Variants in PALS1 observed in about 807,000 individuals in gnomAD.
PALS1 encodes the protein protein PALS1.
In PALS1, 31 loss-of-function variants were observed where a neutral mutation model predicts 78.9. The observed-to-expected ratio is 0.39, with a 90% CI of 0.30 to 0.53. The LOEUF (loss-of-function observed/expected upper bound fraction) is 0.53, where lower values mean the gene tolerates loss of function less well. Among genes scored for constraint, PALS1 ranks in the 20% least tolerant of loss-of-function variants. PALS1 has a pLI of 0.67. For synonymous variants in PALS1, 276 were observed against 270.9 expected (o/e 1.02, Z -0.18); for missense variants, 704 against 826.5 (o/e 0.85, Z 1.82).
intron 1 of PALS1, among the ~76,000 whole-genome samples, chr14:67,247,292 T>A (rs966256020): frequency 1.3e-5 from 2 of 152,216 alleles, no homozygotes; most frequent in African/African-American, 4.8e-5. Flanking sequence ...TTGTAAATGG[T>A]AATCTAAAAA....
At position 67,312,611 on chromosome 14, in the gene PALS1, GGTGATATACTTCAT is replaced by G. The variant is rs772187275; in HGVS notation, c.1132_1145del (p.Ile378GlnfsTer18). On this transcript the variant is annotated frameshift_variant, in exon 9 of 15. Coordinates refer to ENST00000261681, the MANE Select transcript of PALS1 (RefSeq NM_022474.4). LOFTEE classifies it high-confidence loss of function. The stretch of plus-strand genomic sequence containing the variant: ...AGAGTTAGGTCTGTCTTTTCAAAAA[GGTGATATACTTCAT>G]GTGATCAGTCAAGAAGATCCAAACT... 2 of 1,613,766 alleles carry G rather than the reference GGTGATATACTTCAT, an allele frequency of 1.2e-6. No individual in the cohort carries two copies. Among genetic ancestry groups the G allele is most frequent in the Non-Finnish European group, 1.7e-6 (2 of 1,179,844 alleles).
In PALS1 at chr14:67,312,610, A is replaced by C. The variant is rs748764908; in HGVS notation, c.1125A>C (p.Lys375Asn). 1 of 1,613,802 alleles carries C rather than the reference A, an allele frequency of 6.2e-7. No individual in the cohort carries two copies. The highest frequency in any genetic ancestry group is 1.7e-5 in the Admixed American group (1 of 59,998). The part of the protein sequence containing the change: ...PCRELGLSFQ[K>N]GDILHVISQE... ...GAGAGTTAGGTCTGTCTTTTCAAAA[A>C]GGTGATATACTTCATGTGATCAGTC... Residue 375 changes from lysine (K) to asparagine (N), a missense_variant, in exon 9 of 15, where the codon AAA (lysine) becomes AAC (asparagine). Coordinates refer to ENST00000261681, the MANE Select transcript of PALS1 (RefSeq NM_022474.4).
intron 10 of PALS1, 99 bp downstream of exon 10, chr14:67,317,002 G>A (rs746068581): frequency 2.2e-6 from 2 of 912,598 alleles, no homozygotes; most frequent in Non-Finnish European, 1.7e-6. Flanking sequence ...AGTACTCAGG[G>A]AAAGAGTGAT....
intron 1 of PALS1, among the ~76,000 whole-genome samples, chr14:67,246,589 C>G (rs185499355): frequency 1.3e-5 from 2 of 152,122 alleles, no homozygotes; most frequent in Non-Finnish European, 2.9e-5. Flanking sequence ...GATCCTTCCA[C>G]CTCAACCTCC....
chr14:67,321,082 A>G lies in PALS1; in HGVS notation c.1563A>G (p.Gln521=). ...VPHTTRSRRD[Q]EVAGRDYHFV... ...ATACAACCCGGAGTAGGCGAGACCA[A>G]GAAGTAGCCGGTAGAGATTACCACT... is the stretch of plus-strand genomic sequence containing the variant. Residue 521 remains glutamine (Q), a synonymous_variant, in exon 13 of 15, where the codon CAA becomes CAG. Coordinates refer to ENST00000261681, the MANE Select transcript of PALS1 (RefSeq NM_022474.4). The G allele has an allele frequency of 6.2e-7, 1 of 1,614,124 alleles. No individual in the cohort carries two copies. Among genetic ancestry groups the G allele is most frequent in the Non-Finnish European group, 8.5e-7 (1 of 1,179,976 alleles).
rs1160380366 is a variant in PALS1 at position 67,335,967 on chromosome 14, G to T, written c.*3011G>T. The T allele has an allele frequency of 7.0e-6, 1 of 143,122 alleles. No individual in the cohort carries two copies. Among genetic ancestry groups the T allele is most frequent in the Non-Finnish European group, 1.6e-5 (1 of 63,270 alleles). 8.9% of individuals were successfully genotyped at this position (143,122 alleles called of 1,614,324 possible). A position where few individuals can be genotyped will look rare whatever the true frequency, so the allele number is the denominator to read the frequency against. On this transcript the variant is annotated 3_prime_UTR_variant, in exon 15 of 15. Coordinates refer to ENST00000261681, the MANE Select transcript of PALS1 (RefSeq NM_022474.4). ...ACTTTTTGATTTGTTCTTTACAGAG[G>T]GATAGTGCCCCCTGTTGGCACAGGT... is the stretch of plus-strand genomic sequence containing the variant.
intron 2 of PALS1, among the ~76,000 whole-genome samples, chr14:67,278,571 A>G (rs1185665761): frequency 6.6e-6 from 1 of 152,196 alleles, no homozygotes; most frequent in African/African-American, 2.4e-5. Context: ...TTGATCATTC[A>G]TCAATTTCTT....
At chr14:67,254,435 C>T (rs1372107382) in intron 1 of PALS1, 1 of 152,126 alleles carries the variant, frequency 6.6e-6, no homozygotes, top group African/African-American at 2.4e-5. Flanking sequence ...GTAAGACTGT[C>T]TTGTCAAAAT....
At chr14:67,247,746 T>C (rs1280416705) in intron 1 of PALS1, among the ~76,000 whole-genome samples, 102 of 151,976 alleles carry the variant, frequency 6.7e-4, no homozygotes, top group Non-Finnish European at 1.0e-4. Context: ...CCCAGCTAAT[T>C]TTTTGTATTT....
intron 11 of PALS1, among the ~76,000 whole-genome samples, chr14:67,318,921 G>C (rs984340150): frequency 6.6e-6 from 1 of 152,148 alleles, no homozygotes; most frequent in Non-Finnish European, 1.5e-5. Flanking sequence ...AGCCAGGCGT[G>C]ATGGCGGGTG....
chr14:67,311,171 C>A (rs1053427773), intron 8 of PALS1, among the ~76,000 whole-genome samples: 3 of 151,990 alleles, frequency 2.0e-5, no homozygotes. Context: ...ATTAGCTGGG[C>A]GTTGTGGTGA....
chr14:67,302,518 A>C lies in PALS1; in HGVS notation c.910A>C (p.Ile304Leu). Residue 304 changes from isoleucine (I) to leucine (L), a missense_variant, in exon 7 of 15, where the codon ATT (isoleucine) becomes CTT (leucine). Transcript: ENST00000261681. The stretch of plus-strand genomic sequence containing the variant: ...GCATGAAGGAGATGAAGTTCTAGAG[A>C]TTAATGGCATTGAAATTCGGGGGAA... ...LLHEGDEVLE[I>L]NGIEIRGKDV... 6.3e-7 allele frequency: 1 copy of C among 1,591,474 alleles called. No homozygotes were observed. Among genetic ancestry groups the C allele is most frequent in the Non-Finnish European group, 8.5e-7 (1 of 1,170,004 alleles).
chr14:67,274,705 C>G (rs1038425481), intron 2 of PALS1, among the ~76,000 whole-genome samples: 4 of 152,030 alleles, frequency 2.6e-5, no homozygotes, highest in African/African-American at 9.7e-5. Flanking sequence ...CTATAAATTA[C>G]CTTGGGCAGT....
intron 9 of PALS1, among the ~76,000 whole-genome samples, chr14:67,316,355 G>A (rs897829667): frequency 2.0e-5 from 3 of 152,076 alleles, no homozygotes; most frequent in Admixed American, 1.3e-4. Context: ...AAAAGAAGAG[G>A]AATTGAGAAT....
rs1243522282 is a variant in PALS1, at chr14:67,302,093, T to C, written c.776T>C (p.Ile259Thr). The C allele has an allele frequency of 6.2e-7, 1 of 1,606,052 alleles. No individual in the cohort carries two copies. The highest frequency in any genetic ancestry group is 8.5e-7 in the Non-Finnish European group (1 of 1,176,548). Residue 259 changes from isoleucine to threonine, a missense_variant, in exon 6 of 15, where the codon ATA becomes ACA. By Grantham distance (89) the Ile-to-Thr change is moderately conservative. Coordinates refer to ENST00000261681, the MANE Select transcript of PALS1 (RefSeq NM_022474.4). ...GGAGAAACTGTAAAAATAGTTCGTA[T>C]AGAAAAGGCTCGTGATATTCCGTTG... ...YGGETVKIVR[I>T]EKARDIPLGA...
intron 9 of PALS1, among the ~76,000 whole-genome samples, chr14:67,314,507 A>G (rs2085139262): frequency 6.6e-6 from 1 of 152,220 alleles, no homozygotes; most frequent in African/African-American, 2.4e-5. Flanking sequence ...GTATGATGCT[A>G]AAACCCGTGA....
chr14:67,249,702 A>G (rs1193131777), intron 1 of PALS1, among the ~76,000 whole-genome samples: 2 of 152,182 alleles, frequency 1.3e-5, no homozygotes, highest in Non-Finnish European at 2.9e-5. Context: ...ACTTCACACA[A>G]AAAGTTGAGG....
intron 14 of PALS1, among the ~76,000 whole-genome samples, chr14:67,331,868 G>C (rs971074347): frequency 1.3e-5 from 2 of 152,068 alleles, no homozygotes; most frequent in African/African-American, 4.8e-5. Context: ...TTACAGTGGT[G>C]AAGTAGATTC....
At chr14:67,266,460 G>A (rs2084326200) in intron 1 of PALS1, among the ~76,000 whole-genome samples, 1 of 152,000 alleles carries the variant, frequency 6.6e-6, no homozygotes, top group Non-Finnish European at 1.5e-5. Context: ...CGAGTAGCTG[G>A]GATTACAGGT....
Sources: gnomAD v4.1 joint callset for allele counts (sites outside exome capture counted in the v4.1 genomes callset) on GRCh38, gnomAD v4.1.1 for gene constraint, MANE v1.5 for transcripts, NCBI Gene and HGNC (gene_info 2026-07-23, HGNC 2026-07-21) for gene names.